The following SMG6 variants were observed in gnomAD, a reference collection of about 807,000 sequenced individuals.
SMG6 encodes telomerase-binding protein EST1A.
A neutral mutation model predicts 142.2 loss-of-function variants in SMG6; 66 were observed. That is an observed-to-expected ratio of 0.46 (90% CI 0.38 to 0.57). SMG6 has a LOEUF of 0.57. Ranked by LOEUF, SMG6 falls within the 20% of genes least tolerant of loss-of-function variation. The pLI is 0.00. For missense variants in SMG6, 1,793 were observed against 1,832.0 expected (o/e 0.98, Z 0.39); for synonymous variants, 779 against 702.4 (o/e 1.11, Z -1.72).
chr17:2,093,349 G>A (rs1323228037), intron 13 of SMG6, among the ~76,000 whole-genome samples: 1 of 152,142 alleles, frequency 6.6e-6, no homozygotes, highest in African/African-American at 2.4e-5. Context: ...CTTGAGCCGG[G>A]GAAGTCAGAG....
chr17:2,186,096 T>C (rs1238419181), intron 12 of SMG6, among the ~76,000 whole-genome samples: 2 of 151,612 alleles, frequency 1.3e-5, no homozygotes, highest in Non-Finnish European at 2.9e-5. Flanking sequence ...GGCGTGGTGG[T>C]GTGCACCTGT....
At chr17:2,282,600 G>A in intron 8 of SMG6, 47 bp downstream of exon 8, 1 of 1,592,538 alleles carries the variant, frequency 6.3e-7, no homozygotes, top group Non-Finnish European at 8.6e-7. Context: ...AGGGCACCCA[G>A]GCTTACTGAG....
At chr17:2,295,346 A>G (rs1214398109) in intron 4 of SMG6, among the ~76,000 whole-genome samples, 2 of 152,176 alleles carry the variant, frequency 1.3e-5, no homozygotes, top group African/African-American at 4.8e-5. Context: ...GGCGTGGTAC[A>G]GACAAAAAAA....
chr17:2,207,299 C>T (rs1005616811), intron 10 of SMG6, among the ~76,000 whole-genome samples: 4 of 151,784 alleles, frequency 2.6e-5, no homozygotes, highest in African/African-American at 9.7e-5. Flanking sequence ...AAACAAAACA[C>T]AACAAACAAA....
intron 8 of SMG6, among the ~76,000 whole-genome samples, chr17:2,271,545 C>T (rs2074543510): frequency 6.6e-6 from 1 of 151,940 alleles, no homozygotes; most frequent in Non-Finnish European, 1.5e-5. Flanking sequence ...GAAACCCCGT[C>T]TCTCCTAAAA....
intron 15 of SMG6, among the ~76,000 whole-genome samples, chr17:2,074,189 G>GC (rs1267781209): frequency 6.6e-6 from 1 of 151,542 alleles, no homozygotes; most frequent in Non-Finnish European, 1.5e-5. Context: ...TGATCCTCCC[G>GC]CCTCAGCCTC....
At chr17:2,147,580 A>C (rs2070706908) in intron 13 of SMG6, among the ~76,000 whole-genome samples, 1 of 151,902 alleles carries the variant, frequency 6.6e-6, no homozygotes, top group Admixed American at 6.6e-5. Flanking sequence ...CTTAAAAAAA[A>C]ATGATCAGAG....
At chr17:2,239,810 A>T (rs892722500) in intron 9 of SMG6, among the ~76,000 whole-genome samples, 1 of 152,252 alleles carries the variant, frequency 6.6e-6, no homozygotes, top group Non-Finnish European at 1.5e-5. Context: ...CACAAACATT[A>T]TATTTTTAAA....
intron 13 of SMG6, among the ~76,000 whole-genome samples, chr17:2,158,957 T>C (rs575229174): frequency 6.7e-6 from 1 of 149,228 alleles, no homozygotes; most frequent in South Asian, 2.1e-4. Context: ...TCACAGGATG[T>C]ATATCTGACA....
intron 13 of SMG6, among the ~76,000 whole-genome samples, chr17:2,130,282 AAAG>A (rs762930450): frequency 0.055 from 7,869 of 143,606 alleles, 730 homozygotes; most frequent in Non-Finnish European, 0.088. Flanking sequence ...AAAAAAAAAA[AAAG>A]AAACAGCATT....
chr17:2,129,637 TAAAAA>T (rs2070033619), intron 13 of SMG6, among the ~76,000 whole-genome samples: 1 of 149,898 alleles, frequency 6.7e-6, no homozygotes, highest in South Asian at 2.1e-4. Context: ...CTACTTAAAA[TAAAAA>T]AATCAGCCTG....
intron 13 of SMG6, among the ~76,000 whole-genome samples, chr17:2,132,550 T>C (rs2070157907): frequency 6.6e-6 from 1 of 152,098 alleles, no homozygotes; most frequent in Non-Finnish European, 1.5e-5. Context: ...AAATACAAAA[T>C]TGTATTTGGA....
chr17:2,246,775 G>C (rs899507245), intron 8 of SMG6, among the ~76,000 whole-genome samples: 1 of 151,820 alleles, frequency 6.6e-6, no homozygotes, highest in East Asian at 1.9e-4. Context: ...GTGAAACCCC[G>C]TCTCTACTAA....
intron 10 of SMG6, among the ~76,000 whole-genome samples, chr17:2,195,002 A>C (rs545924512): frequency 1.3e-5 from 2 of 152,308 alleles, no homozygotes; most frequent in South Asian, 4.1e-4. Context: ...GAACAAAGAC[A>C]CTTCAGGGGG....
chr17:2,300,380 C>A lies in SMG6; in HGVS notation c.373G>T (p.Ala125Ser). 1 of 1,613,992 alleles carries A rather than the reference C, an allele frequency of 6.2e-7. No homozygotes were observed. The highest frequency in any genetic ancestry group is 1.1e-5 in the South Asian group (1 of 91,078). ...NRGQESFPRTAGQEDRSLKII... is the reference protein window; with the variant it reads ...NRGQESFPRTSGQEDRSLKII... The stretch of plus-strand genomic sequence containing the variant: ...TTTAGACTACGATCCTCTTGTCCAG[C>A]AGTCCTAGGAAAGGATTCTTGTCCC... Residue 125 changes from alanine to serine, a missense_variant, in exon 2 of 19, where the codon GCT (alanine) becomes TCT (serine). This residue lies in a region of SMG6 where 1,597 missense variants were observed against 1,584.6 expected (regional missense o/e 1.01). Coordinates refer to ENST00000263073, the MANE Select transcript of SMG6 (RefSeq NM_017575.5).
rs768185173 is a variant in SMG6 at position 2,300,063 on chromosome 17, G to T, written c.690C>A (p.His230Gln). 2 of 1,614,180 alleles carry T rather than the reference G, an allele frequency of 1.2e-6. No homozygotes were observed. Among genetic ancestry groups the T allele is most frequent in the Non-Finnish European group, 8.5e-7 (1 of 1,180,016 alleles). ...CCGGCCTCCCGCGGGCTGGGTCGTC[G>T]TGGGTTTCCCTCACCCCCTCCCCTT... is the stretch of plus-strand genomic sequence containing the variant. ...MGKGEGVRETHDDPARGRPGS... is the reference protein window; with the variant it reads ...MGKGEGVRETQDDPARGRPGS... The change falls in exon 2 of 19, where the codon CAC becomes CAA. Residue 230 changes from histidine (H) to glutamine (Q), a missense_variant. Physicochemically the swap from His to Gln is conservative, Grantham distance 24 (BLOSUM62 0). This residue lies in a region of SMG6 where 1,597 missense variants were observed against 1,584.6 expected (regional missense o/e 1.01). Coordinates refer to ENST00000263073, the MANE Select transcript of SMG6 (RefSeq NM_017575.5).
chr17:2,227,674 T>C (rs2073357090), intron 10 of SMG6, among the ~76,000 whole-genome samples: 1 of 152,248 alleles, frequency 6.6e-6, no homozygotes, highest in South Asian at 2.1e-4. Context: ...CTTGGGCATG[T>C]AAATTTGTCA....
At chr17:2,108,912 T>C (rs893570156) in intron 13 of SMG6, among the ~76,000 whole-genome samples, 4 of 152,208 alleles carry the variant, frequency 2.6e-5, no homozygotes, top group African/African-American at 9.7e-5. Flanking sequence ...ACCACTGCAC[T>C]CCAGCCTGGG....
intron 15 of SMG6, among the ~76,000 whole-genome samples, chr17:2,073,136 T>G (rs530975983): frequency 6.6e-6 from 1 of 151,948 alleles, no homozygotes; most frequent in Non-Finnish European, 1.5e-5. Context: ...TATGCTGGAG[T>G]GTAGTGGCGT....
Sources: allele counts gnomAD v4.1 joint callset (sites outside exome capture counted in the v4.1 genomes callset), GRCh38; gene constraint gnomAD v4.1.1; regional missense constraint gnomAD v4.1.1; transcripts MANE v1.5; gene names NCBI Gene and HGNC (gene_info 2026-07-23, HGNC 2026-07-21).